Variants in CCT7 observed in about 807,000 individuals in gnomAD.
CCT7 encodes the protein T-complex protein 1 subunit eta.
Under a neutral mutation model 56.6 loss-of-function variants are expected in CCT7, and 16 were observed. The ratio of observed to expected loss-of-function variants is 0.28; its 90% CI spans 0.19 to 0.43. The LOEUF (loss-of-function observed/expected upper bound fraction) is 0.43. CCT7 is among the 20% of genes least tolerant of loss of function. The probability of loss-of-function intolerance (pLI) is 1.00; values close to 1 mark genes in which losing one functional copy is unlikely to be tolerated. For synonymous variants in CCT7, 262 were observed against 254.8 expected, an observed-to-expected ratio of 1.03 and a Z score of -0.27; for missense variants, 519 against 685.6, an observed-to-expected ratio of 0.76 and a Z score of 2.71.
Position 73,252,898 on chromosome 2 carries a change from G to C in CCT7, c.*37G>C. 1 of 1,528,120 alleles carries C rather than the reference G, an allele frequency of 6.5e-7. No homozygotes were observed. Among genetic ancestry groups the C allele is most frequent in the African/African-American group, 1.4e-5 (1 of 73,342 alleles). The allele number at this position is 1,528,120 out of a possible 1,614,324, so 94.7% of individuals were successfully genotyped here. A position where few individuals can be genotyped will look rare whatever the true frequency, so the allele number is the denominator to read the frequency against. ...CCCATCACATGGCTGGCTGGCTGCTGGGTGCACTTACCCTCCTTGGCTTGG... is the reference window on the plus strand; with the variant it reads ...CCCATCACATGGCTGGCTGGCTGCTCGGTGCACTTACCCTCCTTGGCTTGG... On this transcript the variant is annotated 3_prime_UTR_variant, in exon 12 of 12. Transcript: ENST00000258091.
At chr2:73,248,190 C>T (rs1310483011) in intron 7 of CCT7, among the ~76,000 whole-genome samples, 2 of 152,096 alleles carry the variant, frequency 1.3e-5, no homozygotes, top group Non-Finnish European at 1.5e-5. Context: ...CATAGCCTGC[C>T]CGGTATTTTG....
chr2:73,241,219 T>C (rs1021736318), intron 3 of CCT7, among the ~76,000 whole-genome samples: 17 of 152,190 alleles, frequency 1.1e-4, no homozygotes, highest in African/African-American at 4.1e-4. Context: ...ATATGTATAC[T>C]ACAGGTATGT....
chr2:73,252,840 T>TGGTCGTGGCCGC lies in CCT7; in HGVS notation c.1612_1623dup (p.Gly538_Arg541dup), dbSNP rs746427232. 6.2e-7 allele frequency: 1 copy of TGGTCGTGGCCGC among 1,613,736 alleles called. No individual in the cohort carries two copies. Among genetic ancestry groups the TGGTCGTGGCCGC allele is most frequent in the South Asian group, 1.1e-5 (1 of 91,068 alleles). On this transcript the variant is annotated inframe_insertion, in exon 12 of 12. Transcript: ENST00000258091. ...CTCCCACAGCAGCAGGCCGGGGCCG[T>TGGTCGTGGCCGC]GGTCGTGGCCGCCCCCACTGAGAGG... is the stretch of plus-strand genomic sequence containing the variant.
At chr2:73,245,708 A>G (rs1351398449) in intron 6 of CCT7, among the ~76,000 whole-genome samples, 1 of 152,182 alleles carries the variant, frequency 6.6e-6, no homozygotes, top group Non-Finnish European at 1.5e-5. Context: ...GACCAGCTTG[A>G]AAGATAGCCT....
At position 73,250,309 on chromosome 2, in the gene CCT7, C is replaced by G. The variant is rs759661156; in HGVS notation, c.1074C>G (p.Tyr358Ter). 1 of 1,614,080 alleles carries G rather than the reference C, an allele frequency of 6.2e-7. No individual in the cohort carries two copies. The highest frequency in any genetic ancestry group is 8.5e-7 in the Non-Finnish European group (1 of 1,180,026). ...FEETQIGGERYNFFTGCPKAK... is the reference protein window; with the variant it reads ...FEETQIGGER The stretch of plus-strand genomic sequence containing the variant: ...TACTGTTTAATCCTGGGCATAGGTA[C>G]AATTTTTTTACTGGCTGCCCCAAGG... The change falls in exon 10 of 12, where the codon TAC (tyrosine) becomes TAG (stop). Residue 358 changes from tyrosine (Y) to a stop codon, truncating the protein, a stop_gained. Transcript: ENST00000258091. LOFTEE classifies it high-confidence loss of function.
At position 73,251,400 on chromosome 2, in the gene CCT7, A is replaced by C; in HGVS notation, c.1378A>C (p.Ile460Leu). 7.0e-7 allele frequency: 1 copy of C among 1,434,240 alleles called. No homozygotes were observed. The highest frequency in any genetic ancestry group is 9.4e-7 in the Non-Finnish European group (1 of 1,066,262). The allele number at this position is 1,434,240 out of a possible 1,614,324, so 88.8% of individuals were successfully genotyped here. A position where few individuals can be genotyped will look rare whatever the true frequency, so the allele number is the denominator to read the frequency against. ...CAATGCTGGCTTTGATGCCACAAACATTCTCAACAAGCTGCGGGCTCGGCA... is the reference window on the plus strand; with the variant it reads ...CAATGCTGGCTTTGATGCCACAAACCTTCTCAACAAGCTGCGGGCTCGGCA... ...CDNAGFDATN[I>L]LNKLRARHAQ... The change falls in exon 11 of 12, where the codon ATT becomes CTT. Residue 460 changes from isoleucine to leucine, a missense_variant. By Grantham distance (5) the Ile-to-Leu change is conservative. Transcript: ENST00000258091.
chr2:73,249,197 G>A lies in CCT7; in HGVS notation c.972+18G>A, dbSNP rs1477488027. 2 of 1,584,468 alleles carry A rather than the reference G, an allele frequency of 1.3e-6. No homozygotes were observed. The highest frequency in any genetic ancestry group is 8.6e-7 in the Non-Finnish European group (1 of 1,159,890). On this transcript the variant is annotated intron_variant, in intron 8 of 11. Coordinates refer to ENST00000258091, the MANE Select transcript of CCT7 (RefSeq NM_006429.4). Reference sequence around the variant, plus strand: ...CAATGATGGTAACCAGATTTTCACAGGCTGCTTCTCGGCCTTTGTGGCCCT... The same window carrying A: ...CAATGATGGTAACCAGATTTTCACAAGCTGCTTCTCGGCCTTTGTGGCCCT...
At chr2:73,251,634 T>A (rs1687587505) in intron 11 of CCT7, among the ~76,000 whole-genome samples, 1 of 152,206 alleles carries the variant, frequency 6.6e-6, no homozygotes, top group Non-Finnish European at 1.5e-5. Context: ...GGTTTCTTCA[T>A]TGCTTCTACC....
chr2:73,243,793 C>T, intron 4 of CCT7: 1 of 592,940 alleles, frequency 1.7e-6, no homozygotes, highest in African/African-American at 1.9e-5. Context: ...TATACCCACT[C>T]TGCATTTCTG....
chr2:73,248,566 G>C (rs1453943774), intron 7 of CCT7, among the ~76,000 whole-genome samples: 2 of 152,072 alleles, frequency 1.3e-5, no homozygotes, highest in Non-Finnish European at 2.9e-5. Context: ...TGTTGGCCAG[G>C]CTGGTCTTGA....
intron 4 of CCT7, 54 bp from the exon 5 acceptor site, chr2:73,243,943 C>T (rs1687219933): frequency 3.2e-6 from 5 of 1,542,978 alleles, no homozygotes; most frequent in Non-Finnish European, 4.5e-6. Flanking sequence ...TTGAGGTCCA[C>T]TTCAGCAGTT....
chr2:73,237,376 A>G (rs1331883168), intron 1 of CCT7, among the ~76,000 whole-genome samples: 1 of 152,244 alleles, frequency 6.6e-6, no homozygotes, highest in East Asian at 1.9e-4. Flanking sequence ...TTGAGGTGAA[A>G]GAACCTGTTG....
At chr2:73,240,966 G>A (rs1687083951) in intron 3 of CCT7, among the ~76,000 whole-genome samples, 1 of 148,908 alleles carries the variant, frequency 6.7e-6, no homozygotes, top group South Asian at 2.1e-4. Context: ...GAACTCCGGG[G>A]CTCAAGCCTT....
At chr2:73,249,282 G>T in intron 8 of CCT7, 103 bp downstream of exon 8, 1 of 894,878 alleles carries the variant, frequency 1.1e-6, no homozygotes. Flanking sequence ...CGTGTGAATT[G>T]AGCCCTGTTT....
At chr2:73,239,464 G>A (rs1474298) in intron 1 of CCT7, 179 bp from the exon 2 acceptor site, 166,142 of 592,588 alleles carry the variant, frequency 0.28, 24,558 homozygotes, top group East Asian at 0.36. Flanking sequence ...AAATTTGATA[G>A]TGTCTCTGGA....
chr2:73,252,548 G>A (rs1029281872), intron 11 of CCT7, 92 bp from the exon 12 acceptor site: 53 of 943,630 alleles, frequency 5.6e-5, no homozygotes, highest in Admixed American at 1.8e-4. Flanking sequence ...GAGAGTCTGC[G>A]GGTTCCTAGC....
At chr2:73,250,231 G>A (rs1300694624) in intron 9 of CCT7, 75 bp from the exon 10 acceptor site, 4 of 1,550,264 alleles carry the variant, frequency 2.6e-6, no homozygotes, top group East Asian at 2.3e-5. Context: ...TGTTGGGGGG[G>A]CTGGCAGTGA....
intron 1 of CCT7, 106 bp downstream of exon 1, chr2:73,234,490 C>G (rs1387605591): frequency 1.5e-6 from 2 of 1,322,270 alleles, no homozygotes; most frequent in Non-Finnish European, 2.1e-6. Context: ...CTTGCCGCCT[C>G]TGTCCTCGCC....
At chr2:73,240,087 A>T in intron 2 of CCT7, 1 of 359,782 alleles carries the variant, frequency 2.8e-6, no homozygotes, top group Non-Finnish European at 5.0e-6. Flanking sequence ...TATCAAGATG[A>T]GAAAATTCCT....
Sources: allele counts gnomAD v4.1 joint callset (sites outside exome capture counted in the v4.1 genomes callset), GRCh38; gene constraint gnomAD v4.1.1; transcripts MANE v1.5; gene names NCBI Gene and HGNC (gene_info 2026-07-23, HGNC 2026-07-21).